PXDN: variants seen among roughly 807,000 people sequenced by gnomAD.
PXDN encodes the protein peroxidasin.
A neutral mutation model predicts 140.3 loss-of-function variants in PXDN; 77 were observed. The observed-to-expected ratio is 0.55, with a 90% CI of 0.46 to 0.66. The LOEUF is 0.66. Among genes scored for constraint, PXDN ranks in the 30% least tolerant of loss-of-function variants. The pLI is 0.00. For missense variants in PXDN, 1,838 were observed against 2,039.5 expected, an observed-to-expected ratio of 0.90 and a Z score of 1.90; for synonymous variants, 911 against 857.4, an observed-to-expected ratio of 1.06 and a Z score of -1.09.
chr2:1,740,009 T>A (rs766355022), intron 1 of PXDN, among the ~76,000 whole-genome samples: 2 of 152,088 alleles, frequency 1.3e-5, no homozygotes, highest in Admixed American at 6.5e-5. Flanking sequence ...ACATCCCGCA[T>A]AGGGCGGAGA....
chr2:1,729,629 G>T (rs564255337), intron 1 of PXDN, among the ~76,000 whole-genome samples: 1 of 152,174 alleles, frequency 6.6e-6, no homozygotes, highest in East Asian at 1.9e-4. Flanking sequence ...CGGGTGATGG[G>T]TGCACCCAAA....
At chr2:1,700,518 G>A (rs1390059327) in intron 1 of PXDN, among the ~76,000 whole-genome samples, 4 of 152,118 alleles carry the variant, frequency 2.6e-5, no homozygotes, top group Admixed American at 1.3e-4. Context: ...ATTTCAACTC[G>A]AATGTGCCTT....
intron 1 of PXDN, among the ~76,000 whole-genome samples, chr2:1,702,510 G>A (rs538807797): frequency 1.6e-4 from 25 of 152,362 alleles, no homozygotes; most frequent in Admixed American, 7.8e-4. Context: ...GACAGGTCTC[G>A]GCCAATTTAG....
At chr2:1,669,605 C>G (rs1683528531) in intron 9 of PXDN, 1 of 152,188 alleles carries the variant, frequency 6.6e-6, no homozygotes, top group African/African-American at 2.4e-5. Context: ...CTTTGAGAGG[C>G]TGAGGTGGGC....
At chr2:1,683,545 G>GCCACGTTTTTCATTTTGCTCTCT in intron 6 of PXDN, 111 bp downstream of exon 6, 12 of 428,712 alleles carry the variant, frequency 2.8e-5, no homozygotes, top group Non-Finnish European at 3.6e-5. Flanking sequence ...CATTCTTTCA[G>GCCACGTTTTTCATTTTGCTCTCT]AATCAGATTG....
chr2:1,679,153 T>C (rs1039400650), intron 7 of PXDN, among the ~76,000 whole-genome samples: 6 of 149,690 alleles, frequency 4.0e-5, no homozygotes, highest in Non-Finnish European at 7.4e-5. Flanking sequence ...GGTGTGTGCA[T>C]GTGTGTGTGG....
rs1682976486 is a variant in PXDN at position 1,649,941 on chromosome 2, G to A, written c.2105-266C>T. ...CCCTGTCTCCCCTCCCCACTTAGCA[G>A]TCTCATGGTTTCAACCAGCAGCTCT... On this transcript the variant is annotated intron_variant, in intron 16 of 22. Transcript: ENST00000252804. The surrounding 1 kb of genome is among the most constrained non-coding windows in gnomAD (Gnocchi z 7.1). Among the ~76,000 whole-genome samples, 1 of 151,998 alleles carries A rather than the reference G, an allele frequency of 6.6e-6. No homozygotes were observed. Among genetic ancestry groups the A allele is most frequent in the African/African-American group, 2.4e-5 (1 of 41,366 alleles).
At chr2:1,634,455 G>A (rs1469918728) in intron 22 of PXDN, 132 bp from the exon 23 acceptor site, 20 of 1,174,568 alleles carry the variant, frequency 1.7e-5, no homozygotes, top group African/African-American at 9.3e-5. Flanking sequence ...TGCCTTGCCC[G>A]CTGTACTTGC....
At chr2:1,698,764 T>C (rs897540726) in intron 1 of PXDN, among the ~76,000 whole-genome samples, 4 of 152,168 alleles carry the variant, frequency 2.6e-5, no homozygotes, top group Non-Finnish European at 4.4e-5. Context: ...GCAGAGCCGC[T>C]GCCTCTGACC....
Position 1,682,830 on chromosome 2 carries a change from C to A in PXDN, c.560+826G>T, listed in dbSNP as rs961314652. On this transcript the variant is annotated intron_variant, in intron 6 of 22. Transcript: ENST00000252804. The stretch of plus-strand genomic sequence containing the variant: ...TCGCACGCGCCTGTAATCCCAGCTA[C>A]TAGGGAGGCTGAGGCACGAGAATTG... 3.3e-5 allele frequency among the ~76,000 whole-genome samples: 5 copies of A among 152,158 alleles called. No homozygotes were observed. In the South Asian group the frequency reaches 1.0e-3, roughly 32 times the overall value.
chr2:1,663,857 C>T lies in PXDN; in HGVS notation c.1409-94G>A. 4.6e-6 allele frequency: 7 copies of T among 1,509,246 alleles called. No homozygotes were observed. In the South Asian group the frequency reaches 7.4e-5, roughly 16 times the overall value. The allele number at this position is 1,509,246 out of a possible 1,614,324, so 93.5% of individuals were successfully genotyped here. A position where few individuals can be genotyped will look rare whatever the true frequency, so the allele number is the denominator to read the frequency against. ...GCATGACCACAGAAGCTTGTCTCCA[C>T]CTGGGTCGGGGCGCCGGATAATTTG... On this transcript the variant is annotated intron_variant, in intron 11 of 22. Coordinates refer to ENST00000252804, the MANE Select transcript of PXDN (RefSeq NM_012293.3).
intron 6 of PXDN, 92 bp from the exon 7 acceptor site, chr2:1,680,454 A>T (rs1683871008): frequency 6.7e-7 from 1 of 1,487,358 alleles, no homozygotes; most frequent in East Asian, 2.3e-5. Flanking sequence ...CGCGTCGGGA[A>T]ACATGTGCCA....
Position 1,648,771 on chromosome 2 carries a change from G to A in PXDN, c.3009C>T (p.Leu1003=), listed in dbSNP as rs1363207286. 5.0e-6 allele frequency: 8 copies of A among 1,604,206 alleles called. No homozygotes were observed. Among genetic ancestry groups the A allele is most frequent in the Non-Finnish European group, 6.8e-6 (8 of 1,176,096 alleles). Residue 1003 remains leucine, a synonymous_variant, in exon 17 of 23, where the codon CTC becomes CTT. Coordinates refer to ENST00000252804, the MANE Select transcript of PXDN (RefSeq NM_012293.3). This position sits in a 1 kb window ranked among gnomAD's most constrained non-coding sequence, Gnocchi z 8.9. Reference sequence around the variant, plus strand: ...CGCCGTCCCAGTGCGGGTTCAGCTTGAGCAGCTCCGTGGCAATGCGGTTGT... The same window carrying A: ...CGCCGTCCCAGTGCGGGTTCAGCTTAAGCAGCTCCGTGGCAATGCGGTTGT... ...REHNRIATEL[L]KLNPHWDGDT...
chr2:1,706,708 A>G (rs1331913966), intron 1 of PXDN, among the ~76,000 whole-genome samples: 1 of 90,758 alleles, frequency 1.1e-5, no homozygotes, highest in Non-Finnish European at 2.1e-5. Flanking sequence ...ACAACCTGAG[A>G]GCACGCTGCA....
intron 12 of PXDN, among the ~76,000 whole-genome samples, chr2:1,662,734 A>G (rs73910820): frequency 0.013 from 2,052 of 152,316 alleles, 40 homozygotes; most frequent in African/African-American, 0.046. Flanking sequence ...CGCCAAGGGC[A>G]AACCCAAGAA....
intron 1 of PXDN, among the ~76,000 whole-genome samples, chr2:1,723,635 G>A (rs530850419): frequency 1.9e-4 from 29 of 152,092 alleles, no homozygotes; most frequent in African/African-American, 7.0e-4. Context: ...TGGACAGACA[G>A]ATGGACTAAT....
At chr2:1,702,085 C>G (rs1251469994) in intron 1 of PXDN, among the ~76,000 whole-genome samples, 1 of 152,156 alleles carries the variant, frequency 6.6e-6, no homozygotes. Flanking sequence ...TTAATGAGAT[C>G]AAATTACGTT....
chr2:1,701,429 C>G (rs1403284006), intron 1 of PXDN, among the ~76,000 whole-genome samples: 1 of 152,154 alleles, frequency 6.6e-6, no homozygotes, highest in Non-Finnish European at 1.5e-5. Context: ...AGGGCACGGA[C>G]GAGTTTCAAG....
rs1056693223 is a variant in PXDN, at chr2:1,653,411, G to A, written c.2104+217C>T. The A allele has an allele frequency of 5.8e-6, 4 of 686,994 alleles. No homozygotes were observed. The East Asian group carries it at 1.3e-4, about 23-fold the overall frequency. The allele number at this position is 686,994 out of a possible 1,614,324, so 42.6% of individuals were successfully genotyped here. On this transcript the variant is annotated intron_variant, in intron 16 of 22. Coordinates refer to ENST00000252804, the MANE Select transcript of PXDN (RefSeq NM_012293.3). Reference sequence around the variant, plus strand: ...CTGTAGCCTGATCAGCACTCCAAGGGACTTCACGTCCCCCAGAGATTCCTA... The same window carrying A: ...CTGTAGCCTGATCAGCACTCCAAGGAACTTCACGTCCCCCAGAGATTCCTA...
Sources: allele counts gnomAD v4.1 joint callset (sites outside exome capture counted in the v4.1 genomes callset), GRCh38; gene constraint gnomAD v4.1.1; non-coding constraint Gnocchi (gnomAD v3.1); transcripts MANE v1.5; gene names NCBI Gene and HGNC (gene_info 2026-07-23, HGNC 2026-07-21).